The following ABCA12 variants were observed in gnomAD, a reference collection of about 807,000 sequenced individuals.
ABCA12 encodes glucosylceramide transporter ABCA12.
ABCA12 carries 156 observed loss-of-function variants against 293.5 expected under a neutral mutation model. The ratio of observed to expected loss-of-function variants is 0.53; its 90% CI spans 0.47 to 0.61. ABCA12 has a LOEUF of 0.61. ABCA12 is among the 20% of genes least tolerant of loss of function. The probability of loss-of-function intolerance (pLI) is 0.00; values close to 1 mark genes in which losing one functional copy is unlikely to be tolerated. For missense variants in ABCA12, 2,797 were observed against 3,090.2 expected (o/e 0.91, Z 2.25); for synonymous variants, 1,063 against 1,108.0 (o/e 0.96, Z 0.81).
Position 214,966,919 on chromosome 2 carries a change from G to A in ABCA12, c.5813C>T (p.Pro1938Leu), listed in dbSNP as rs1264330395. 1 of 1,613,708 alleles carries A rather than the reference G, an allele frequency of 6.2e-7. No homozygotes were observed. The highest frequency in any genetic ancestry group is 1.3e-5 in the African/African-American group (1 of 74,906). Residue 1938 changes from proline to leucine, a missense_variant, in exon 39 of 53, where the codon CCA becomes CTA. Physicochemically the swap from Pro to Leu is moderately conservative, Grantham distance 98 (BLOSUM62 -3). Transcript: ENST00000272895. ...ATTATTCAGGCTGTTGAGGTAAGCT[G>A]GAAGGGAGTGATAGCCTTCTGGATC... ...WYDPEGYHSL[P>L]AYLNSLNNFL...
chr2:214,992,164 C>G (rs764993573), intron 23 of ABCA12, among the ~76,000 whole-genome samples: 1 of 151,898 alleles, frequency 6.6e-6, no homozygotes, highest in South Asian at 2.1e-4. Flanking sequence ...TAATGAGGGC[C>G]GATCACGGTG....
At chr2:214,977,167 T>C (rs1980846) in intron 33 of ABCA12, among the ~76,000 whole-genome samples, 74,718 of 152,104 alleles carry the variant, frequency 0.49, 18,580 homozygotes, top group South Asian at 0.61. Flanking sequence ...TGAGAAATTA[T>C]ATGTGGATGA....
chr2:215,050,213 T>A (rs1278802444), intron 5 of ABCA12, among the ~76,000 whole-genome samples: 1 of 152,180 alleles, frequency 6.6e-6, no homozygotes, highest in Non-Finnish European at 1.5e-5. Flanking sequence ...AAACTGGTTG[T>A]GATCTTTGGA....
intron 2 of ABCA12, among the ~76,000 whole-genome samples, chr2:215,111,024 T>C (rs75788108): frequency 0.028 from 4,232 of 152,342 alleles, 193 homozygotes; most frequent in African/African-American, 0.095. Context: ...TTTTTCATTC[T>C]GGATCCAAAA....
At chr2:215,135,759 A>G (rs1468010898) in intron 1 of ABCA12, among the ~76,000 whole-genome samples, 4 of 151,760 alleles carry the variant, frequency 2.6e-5, no homozygotes, top group Non-Finnish European at 4.4e-5. Flanking sequence ...TTTTCATTTT[A>G]TCCCCCTTTA....
chr2:215,106,621 TGTGA>T, intron 2 of ABCA12, among the ~76,000 whole-genome samples: 1 of 152,240 alleles, frequency 6.6e-6, no homozygotes, highest in South Asian at 2.1e-4. Context: ...AAAGAAATGA[TGTGA>T]GTATTAACTA....
intron 32 of ABCA12, 140 bp downstream of exon 32, chr2:214,978,664 G>A: frequency 9.2e-7 from 1 of 1,084,760 alleles, no homozygotes; most frequent in Non-Finnish European, 1.4e-6. Flanking sequence ...TCTTACATAA[G>A]AATAGTACTG....
intron 39 of ABCA12, chr2:214,963,251 G>A (rs2105943209): frequency 6.6e-6 from 1 of 152,166 alleles, no homozygotes; most frequent in East Asian, 1.9e-4. Flanking sequence ...TGACCCCATA[G>A]AAATACAAAC....
intron 2 of ABCA12, among the ~76,000 whole-genome samples, chr2:215,067,382 A>G (rs1701658614): frequency 6.6e-6 from 1 of 152,144 alleles, no homozygotes; most frequent in Admixed American, 6.6e-5. Context: ...AAATTTAAGG[A>G]CACAAGTAAA....
At chr2:215,004,393 A>G in intron 19 of ABCA12, 94 bp from the exon 20 acceptor site, 1 of 864,066 alleles carries the variant, frequency 1.2e-6, no homozygotes, top group South Asian at 1.4e-5. Flanking sequence ...TGCAGTAACC[A>G]CAACTGGGCA....
chr2:215,093,818 G>A (rs1702197362), intron 2 of ABCA12, among the ~76,000 whole-genome samples: 1 of 151,996 alleles, frequency 6.6e-6, no homozygotes, highest in Non-Finnish European at 1.5e-5. Flanking sequence ...CTTCAATCCG[G>A]CCTCCCACAT....
At chr2:215,054,429 A>G (rs1701380702) in intron 4 of ABCA12, 144 bp downstream of exon 4, 2 of 710,040 alleles carry the variant, frequency 2.8e-6, no homozygotes, top group Non-Finnish European at 4.9e-6. Flanking sequence ...ATACTCAGGC[A>G]ACCATGAGGA....
At chr2:215,032,760 T>C (rs890418729) in intron 8 of ABCA12, among the ~76,000 whole-genome samples, 3 of 152,218 alleles carry the variant, frequency 2.0e-5, no homozygotes, top group Admixed American at 6.5e-5. Flanking sequence ...TCATTCCTTA[T>C]AAATAATCCA....
chr2:215,137,217 G>C (rs959774131), intron 1 of ABCA12, among the ~76,000 whole-genome samples: 2 of 152,116 alleles, frequency 1.3e-5, no homozygotes, highest in African/African-American at 4.8e-5. Context: ...CTCAAGTAAA[G>C]TGTCAGGCAA....
At chr2:215,016,551 C>A (rs1700505752) in intron 14 of ABCA12, among the ~76,000 whole-genome samples, 1 of 112,746 alleles carries the variant, frequency 8.9e-6, no homozygotes, top group African/African-American at 3.3e-5. Flanking sequence ...CCACTGCACT[C>A]CAGCCTGGGC....
chr2:215,036,496 G>T (rs376825002), intron 8 of ABCA12, among the ~76,000 whole-genome samples: 2 of 152,126 alleles, frequency 1.3e-5, no homozygotes, highest in African/African-American at 4.8e-5. Flanking sequence ...CTCCATGTGA[G>T]TGTAGACAGT....
In ABCA12 at chr2:215,001,699, T is replaced by C; in HGVS notation, c.2722A>G (p.Ile908Val). Residue 908 changes from isoleucine to valine, a missense_variant, in exon 21 of 53, where the codon ATC (isoleucine) becomes GTC (valine). Around this residue, in one of 3 missense-constraint regions of ABCA12, gnomAD observed 2,130 missense variants for 2,427.0 expected, o/e 0.88. Transcript: ENST00000272895. ...RLKLENNIDI[I>V]DQLNTLSSLT... ...GAAGATAGTGTGTTAAGCTGATCGA[T>C]GATGTCAATGTTGTTCTCTAATTTC... The C allele has an allele frequency of 6.2e-7, 1 of 1,613,592 alleles. No homozygotes were observed. The highest frequency in any genetic ancestry group is 8.5e-7 in the Non-Finnish European group (1 of 1,179,742).
chr2:214,948,871 C>A (rs1698663261), intron 46 of ABCA12, 134 bp from the exon 47 acceptor site: 18 of 1,241,712 alleles, frequency 1.4e-5, no homozygotes, highest in Non-Finnish European at 2.0e-5. Context: ...AATAATCCCA[C>A]TATCAAATTC....
intron 40 of ABCA12, 144 bp downstream of exon 40, chr2:214,958,880 C>G (rs1699032387): frequency 4.3e-6 from 4 of 935,558 alleles, no homozygotes; most frequent in Non-Finnish European, 7.0e-6. Context: ...GCAGAAACTT[C>G]CTTTGATCCC....
Sources: allele counts gnomAD v4.1 joint callset (sites outside exome capture counted in the v4.1 genomes callset), GRCh38; gene constraint gnomAD v4.1.1; regional missense constraint gnomAD v4.1.1; transcripts MANE v1.5; gene names NCBI Gene and HGNC (gene_info 2026-07-23, HGNC 2026-07-21).